Variants in AUTS2 observed in about 807,000 individuals in gnomAD.
AUTS2 encodes the protein autism susceptibility gene 2 protein.
In AUTS2, 17 loss-of-function variants were observed where a neutral mutation model predicts 112.4. The observed-to-expected ratio is 0.15, with a 90% CI of 0.10 to 0.23. The LOEUF is 0.23. Among genes scored for constraint, AUTS2 ranks in the 10% least tolerant of loss-of-function variants. The probability of loss-of-function intolerance (pLI) is 1.00; values close to 1 mark genes in which losing one functional copy is unlikely to be tolerated. For missense variants in AUTS2, 1,510 were observed against 1,701.6 expected (o/e 0.89, Z 1.98); for synonymous variants, 751 against 702.7 (o/e 1.07, Z -1.09).
chr7:70,138,413 A>G (rs1441069656), intron 4 of AUTS2, among the ~76,000 whole-genome samples: 1 of 152,190 alleles, frequency 6.6e-6, no homozygotes, highest in Non-Finnish European at 1.5e-5. Flanking sequence ...TGGGGCAACT[A>G]ACCAGCCAGG....
intron 4 of AUTS2, among the ~76,000 whole-genome samples, chr7:70,159,344 C>A (rs561928881): frequency 3.9e-5 from 6 of 152,138 alleles, no homozygotes; most frequent in African/African-American, 1.4e-4. Flanking sequence ...CAGTGTGAAA[C>A]GCAGTGTGAA....
chr7:69,846,490 C>T (rs1792207019), intron 1 of AUTS2, among the ~76,000 whole-genome samples: 1 of 152,158 alleles, frequency 6.6e-6, no homozygotes, highest in Non-Finnish European at 1.5e-5. Context: ...ATAATAAATA[C>T]CAACATCTTT....
At chr7:69,963,384 C>T (rs1049861988) in intron 2 of AUTS2, among the ~76,000 whole-genome samples, 3 of 152,142 alleles carry the variant, frequency 2.0e-5, no homozygotes, top group Admixed American at 2.0e-4. Flanking sequence ...CACTTAACAC[C>T]TTCCAAGGAA....
At chr7:70,717,793 C>G (rs1810462350) in intron 6 of AUTS2, among the ~76,000 whole-genome samples, 1 of 152,172 alleles carries the variant, frequency 6.6e-6, no homozygotes, top group East Asian at 1.9e-4. Flanking sequence ...CAGAGTATCA[C>G]TGTTAAGCCA....
intron 2 of AUTS2, among the ~76,000 whole-genome samples, chr7:69,933,507 T>G (rs567618955): frequency 6.6e-6 from 1 of 152,316 alleles, no homozygotes; most frequent in East Asian, 1.9e-4. Flanking sequence ...TGTATAGTGT[T>G]TATGAATCCA....
chr7:70,551,855 T>C (rs999717429), intron 5 of AUTS2, among the ~76,000 whole-genome samples: 8 of 152,172 alleles, frequency 5.3e-5, no homozygotes, highest in African/African-American at 1.9e-4. Flanking sequence ...AAGTCTAAAA[T>C]TGTTCTTAAA....
chr7:70,107,593 C>T (rs533797689), intron 2 of AUTS2, among the ~76,000 whole-genome samples: 6 of 150,430 alleles, frequency 4.0e-5, no homozygotes, highest in Middle Eastern at 3.4e-3. Context: ...CCGCCCATCT[C>T]GGCCTCCCAA....
chr7:70,356,701 C>T (rs1307382407), intron 4 of AUTS2, among the ~76,000 whole-genome samples: 3 of 151,564 alleles, frequency 2.0e-5, no homozygotes, highest in Non-Finnish European at 4.4e-5. Context: ...TTCTTCTCCT[C>T]CCCCCACCTC....
At chr7:69,890,721 C>G (rs1406145817) in intron 1 of AUTS2, among the ~76,000 whole-genome samples, 2 of 151,708 alleles carry the variant, frequency 1.3e-5, no homozygotes, top group Non-Finnish European at 2.9e-5. Context: ...CGAACTCTAC[C>G]TTGTCACTGA....
At chr7:69,664,083 T>C (rs1795923726) in intron 1 of AUTS2, among the ~76,000 whole-genome samples, 1 of 152,238 alleles carries the variant, frequency 6.6e-6, no homozygotes, top group South Asian at 2.1e-4. Context: ...GGTTCCGGAC[T>C]CAGTCTGTGT....
intron 4 of AUTS2, among the ~76,000 whole-genome samples, chr7:70,390,272 G>C (rs576438160): frequency 1.4e-4 from 22 of 152,310 alleles, no homozygotes; most frequent in African/African-American, 5.3e-4. Context: ...CACATGCAAG[G>C]CCTCATGCCA....
chr7:69,726,551 T>A (rs1203372989), intron 1 of AUTS2, among the ~76,000 whole-genome samples: 1 of 152,052 alleles, frequency 6.6e-6, no homozygotes, highest in Non-Finnish European at 1.5e-5. Flanking sequence ...GATTTTTTTT[T>A]AACGTAAGTG....
intron 5 of AUTS2, among the ~76,000 whole-genome samples, chr7:70,501,800 C>T (rs971226396): frequency 3.3e-5 from 5 of 152,182 alleles, no homozygotes; most frequent in African/African-American, 1.2e-4. Flanking sequence ...TGCTGCCCTA[C>T]GTGATGCTCT....
intron 5 of AUTS2, among the ~76,000 whole-genome samples, chr7:70,439,192 G>A (rs1796019363): frequency 1.3e-5 from 2 of 152,102 alleles, no homozygotes; most frequent in African/African-American, 4.8e-5. Context: ...TCCCCTCCCA[G>A]CCACGTGAAT....
intron 3 of AUTS2, among the ~76,000 whole-genome samples, chr7:70,126,884 T>A (rs1210452951): frequency 1.3e-5 from 2 of 152,088 alleles, no homozygotes; most frequent in African/African-American, 4.8e-5. Flanking sequence ...TGGAGTGCAA[T>A]GGTGCGATCT....
At chr7:69,814,478 C>T (rs2129525286) in intron 1 of AUTS2, among the ~76,000 whole-genome samples, 1 of 152,336 alleles carries the variant, frequency 6.6e-6, no homozygotes, top group South Asian at 2.1e-4. Context: ...GTGACGTGGA[C>T]CCATTGTGTG....
At chr7:70,533,884 C>T (rs1335793771) in intron 5 of AUTS2, among the ~76,000 whole-genome samples, 1 of 152,164 alleles carries the variant, frequency 6.6e-6, no homozygotes, top group African/African-American at 2.4e-5. Context: ...AGCTTGGCAC[C>T]ATGCAGCAGT....
At chr7:70,068,968 C>G (rs962248804) in intron 2 of AUTS2, among the ~76,000 whole-genome samples, 4 of 152,238 alleles carry the variant, frequency 2.6e-5, no homozygotes, top group African/African-American at 9.6e-5. Flanking sequence ...CTTTTCACCA[C>G]TAAGACATTT....
intron 4 of AUTS2, among the ~76,000 whole-genome samples, chr7:70,265,390 A>G (rs984372203): frequency 3.9e-5 from 6 of 152,148 alleles, no homozygotes; most frequent in African/African-American, 7.2e-5. Context: ...TGATAAATGA[A>G]CGTATTTTCT....
Sources: gnomAD v4.1 joint callset for allele counts (sites outside exome capture counted in the v4.1 genomes callset) on GRCh38, gnomAD v4.1.1 for gene constraint, MANE v1.5 for transcripts, NCBI Gene and HGNC (gene_info 2026-07-23, HGNC 2026-07-21) for gene names.